The following GPRIN3 variants were observed in gnomAD, a reference collection of about 807,000 sequenced individuals.
The protein encoded by GPRIN3 is GPRIN family member 3, also known as G protein-regulated inducer of neurite outgrowth 3.
Under a neutral mutation model 13.7 loss-of-function variants are expected in GPRIN3, and 12 were observed. That is an observed-to-expected ratio of 0.87 (90% CI 0.56 to 1.42). The LOEUF (loss-of-function observed/expected upper bound fraction) is 1.42, where lower values mean the gene tolerates loss of function less well. Ranked by LOEUF, GPRIN3 falls within the 40% of genes most tolerant of loss-of-function variation. The pLI is 0.00. For missense variants in GPRIN3, 1,009 were observed against 958.7 expected, an observed-to-expected ratio of 1.05 and a Z score of -0.69; for synonymous variants, 377 against 372.7, an observed-to-expected ratio of 1.01 and a Z score of -0.13.
In GPRIN3 at chr4:89,247,940, A is replaced by T; in HGVS notation, c.2171T>A (p.Ile724Asn). The part of the protein sequence containing the change: ...QRQIREHEKL[I>N]KTQNSQTRRS... ...CCGGGTCTGGCTATTTTGAGTTTTG[A>T]TTAATTTCTCATGTTCCCTGATTTG... The change falls in exon 2 of 2, where the codon ATC (isoleucine) becomes AAC (asparagine). Residue 724 changes from isoleucine to asparagine, a missense_variant. Transcript: ENST00000609438. 1 of 1,614,076 alleles carries T rather than the reference A, an allele frequency of 6.2e-7. No homozygotes were observed. The highest frequency in any genetic ancestry group is 8.5e-7 in the Non-Finnish European group (1 of 1,180,002).
rs761869927 is a variant in GPRIN3 at position 89,249,303 on chromosome 4, G to C, written c.808C>G (p.Leu270Val). Residue 270 changes from leucine to valine, a missense_variant, in exon 2 of 2, where the codon CTC (leucine) becomes GTC (valine). Physicochemically the swap from Leu to Val is conservative, Grantham distance 32. Transcript: ENST00000609438. ...TTSVTPQPTP[L>V]TSEPSACPPG... ...GGACATGCCGAAGGTTCGCTAGTGA[G>C]GGGGGTTGGTTGAGGTGTCACAGAA... The C allele has an allele frequency of 8.7e-6, 14 of 1,613,962 alleles. No homozygotes were observed. Among genetic ancestry groups the C allele is most frequent in the African/African-American group, 6.7e-5 (5 of 74,924 alleles).
Position 89,248,751 on chromosome 4 carries a change from T to G in GPRIN3, c.1360A>C (p.Lys454Gln), listed in dbSNP as rs1309508301. ...TPVREESTAK[K>Q]LAGTNSSSLK... is the part of the protein sequence containing the mutation. ...GAGCTAGAATTAGTACCTGCGAGCTTTTTAGCAGTTGACTCTTCCCTCACT... is the reference window on the plus strand; with the variant it reads ...GAGCTAGAATTAGTACCTGCGAGCTGTTTAGCAGTTGACTCTTCCCTCACT... Residue 454 changes from lysine to glutamine, a missense_variant, in exon 2 of 2, where the codon AAG becomes CAG. Lys to Gln is a moderately conservative substitution (Grantham distance 53). Transcript: ENST00000609438. 12 of 1,614,060 alleles carry G rather than the reference T, an allele frequency of 7.4e-6. No individual in the cohort carries two copies. Among genetic ancestry groups the G allele is most frequent in the Non-Finnish European group, 1.0e-5 (12 of 1,180,028 alleles).
intron 1 of GPRIN3, among the ~76,000 whole-genome samples, chr4:89,272,932 G>T (rs1447484517): frequency 2.6e-5 from 4 of 152,174 alleles, no homozygotes; most frequent in Non-Finnish European, 5.9e-5. Flanking sequence ...GTAACCATCA[G>T]CTTGGGCCCT....
At chr4:89,306,775 T>C (rs1417186182) in intron 1 of GPRIN3, among the ~76,000 whole-genome samples, 1 of 152,160 alleles carries the variant, frequency 6.6e-6, no homozygotes, top group African/African-American at 2.4e-5. Flanking sequence ...TTTCTCCCAA[T>C]GGCCCTCCAG....
rs1178837712 is a variant in GPRIN3 at position 89,247,841 on chromosome 4, A to G, written c.2270T>C (p.Leu757Pro). 1 of 1,614,194 alleles carries G rather than the reference A, an allele frequency of 6.2e-7. No homozygotes were observed. The highest frequency in any genetic ancestry group is 2.2e-5 in the East Asian group (1 of 44,874). Reference sequence around the variant, plus strand: ...GCAGTTGGGGCGTCGGAAGTTCTGCAGCATGGACTGGAAAACACTGTGCTG... The same window carrying G: ...GCAGTTGGGGCGTCGGAAGTTCTGCGGCATGGACTGGAAAACACTGTGCTG... ...GRQHSVFQSM[L>P]QNFRRPNCCV... The change falls in exon 2 of 2, where the codon CTG becomes CCG. Residue 757 changes from leucine (L) to proline (P), a missense_variant. Leu to Pro is a moderately conservative substitution (Grantham distance 98, BLOSUM62 -3). Transcript: ENST00000609438.
intron 1 of GPRIN3, among the ~76,000 whole-genome samples, chr4:89,285,498 G>A (rs1239911586): frequency 6.6e-6 from 1 of 152,148 alleles, no homozygotes; most frequent in East Asian, 1.9e-4. Flanking sequence ...GCAGTGGGCA[G>A]GAAGAACCCC....
intron 1 of GPRIN3, among the ~76,000 whole-genome samples, chr4:89,253,689 T>C (rs1245686642): frequency 6.6e-6 from 1 of 152,260 alleles, no homozygotes. Context: ...GTGCGTTTTA[T>C]TTCATTTGCT....
At chr4:89,287,843 T>C (rs1292993481) in intron 1 of GPRIN3, among the ~76,000 whole-genome samples, 1 of 152,194 alleles carries the variant, frequency 6.6e-6, no homozygotes, top group Non-Finnish European at 1.5e-5. Flanking sequence ...AAAATCATAA[T>C]AAATCCTAAA....
chr4:89,280,562 C>T lies in GPRIN3; in HGVS notation c.-124+27053G>A, dbSNP rs1724218102. Among the ~76,000 whole-genome samples, 4 of 152,204 alleles carry T rather than the reference C, an allele frequency of 2.6e-5. No individual in the cohort carries two copies. In the South Asian group the frequency reaches 8.3e-4, roughly 31 times the overall value. On this transcript the variant is annotated intron_variant, in intron 1 of 1. Coordinates refer to ENST00000609438, the MANE Select transcript of GPRIN3 (RefSeq NM_198281.3). The stretch of plus-strand genomic sequence containing the variant: ...CTCTCTGCCTTCTTCCAAGCTGCTT[C>T]CTGTTTCCTGAATGCTCTCTACTGT...
intron 1 of GPRIN3, among the ~76,000 whole-genome samples, chr4:89,296,166 G>A (rs1294411908): frequency 6.6e-6 from 1 of 152,088 alleles, no homozygotes; most frequent in African/African-American, 2.4e-5. Flanking sequence ...TTTGAATTCT[G>A]AAATGACATG....
chr4:89,262,601 C>A (rs1302953414), intron 1 of GPRIN3, among the ~76,000 whole-genome samples: 2 of 152,154 alleles, frequency 1.3e-5, no homozygotes, highest in Non-Finnish European at 2.9e-5. Context: ...GCAGGGAGGT[C>A]AGCCTGGCCA....
Position 89,248,604 on chromosome 4 carries a change from G to A in GPRIN3, c.1507C>T (p.His503Tyr). The stretch of plus-strand genomic sequence containing the variant: ...AGTTTGCAATCTGGGTCTGTTTTGT[G>A]GCCGTTTGTCGTTTTCTCTGCAAAC... ...SEFAEKTTNG[H>Y]KTDPDCKLSD... The change falls in exon 2 of 2, where the codon CAC becomes TAC. Residue 503 changes from histidine to tyrosine, a missense_variant. By Grantham distance (83) the His-to-Tyr change is moderately conservative. Transcript: ENST00000609438. 1.9e-6 allele frequency: 3 copies of A among 1,613,960 alleles called. No individual in the cohort carries two copies. Among genetic ancestry groups the A allele is most frequent in the South Asian group, 1.1e-5 (1 of 91,078 alleles).
intron 1 of GPRIN3, among the ~76,000 whole-genome samples, chr4:89,288,875 A>G (rs1042284290): frequency 9.9e-5 from 15 of 152,008 alleles, no homozygotes; most frequent in Non-Finnish European, 1.5e-4. Context: ...TCGCTTATTT[A>G]CTCTCCACAA....
intron 1 of GPRIN3, among the ~76,000 whole-genome samples, chr4:89,280,713 A>G (rs575455758): frequency 6.6e-6 from 1 of 152,334 alleles, no homozygotes; most frequent in Admixed American, 6.5e-5. Flanking sequence ...TGGGCCCTAA[A>G]TCCAATATGA....
intron 1 of GPRIN3, among the ~76,000 whole-genome samples, chr4:89,298,017 A>C (rs1246055674): frequency 6.6e-6 from 1 of 152,170 alleles, no homozygotes; most frequent in African/African-American, 2.4e-5. Flanking sequence ...AACCTCAAAA[A>C]TCAAGTTATT....
chr4:89,281,004 C>A (rs1196580222), intron 1 of GPRIN3, among the ~76,000 whole-genome samples: 1 of 152,026 alleles, frequency 6.6e-6, no homozygotes, highest in African/African-American at 2.4e-5. Context: ...GTGCTGGCAT[C>A]CGCTATGTTT....
chr4:89,263,276 T>C (rs574621411), intron 1 of GPRIN3, among the ~76,000 whole-genome samples: 1 of 152,346 alleles, frequency 6.6e-6, no homozygotes, highest in Admixed American at 6.5e-5. Flanking sequence ...TGTATACATT[T>C]GGGCACAATT....
chr4:89,252,204 C>A (rs1165892839), intron 1 of GPRIN3, among the ~76,000 whole-genome samples: 1 of 152,068 alleles, frequency 6.6e-6, no homozygotes, highest in African/African-American at 2.4e-5. Flanking sequence ...AACTCCTGGA[C>A]TCAAGTGATC....
At chr4:89,277,411 A>G (rs1180599003) in intron 1 of GPRIN3, among the ~76,000 whole-genome samples, 1 of 152,172 alleles carries the variant, frequency 6.6e-6, no homozygotes, top group African/African-American at 2.4e-5. Context: ...GCAGGACTGA[A>G]TGTTTCCTGT....
Sources: gnomAD v4.1 joint callset for allele counts (sites outside exome capture counted in the v4.1 genomes callset) on GRCh38, gnomAD v4.1.1 for gene constraint, MANE v1.5 for transcripts, NCBI Gene and HGNC (gene_info 2026-07-23, HGNC 2026-07-21) for gene names.